The following KMT2A variants were observed in gnomAD, a reference collection of about 807,000 sequenced individuals.
The protein encoded by KMT2A is lysine methyltransferase 2A.
KMT2A carries 16 observed loss-of-function variants against 345.3 expected under a neutral mutation model. The ratio of observed to expected loss-of-function variants is 0.05; its 90% CI spans 0.03 to 0.07. The LOEUF is 0.07. KMT2A is among the 10% of genes least tolerant of loss of function. The pLI, the probability that KMT2A is intolerant of heterozygous loss-of-function variation, is 1.00. For missense variants in KMT2A, 3,272 were observed against 4,841.6 expected, an observed-to-expected ratio of 0.68 and a Z score of 9.62; for synonymous variants, 1,599 against 1,778.6, an observed-to-expected ratio of 0.90 and a Z score of 2.54.
At chr11:118,483,235 A>C (rs1305440148) in intron 8 of KMT2A, among the ~76,000 whole-genome samples, 250 of 149,042 alleles carry the variant, frequency 1.7e-3, no homozygotes, top group African/African-American at 5.8e-3. Flanking sequence ...TCCATCCCAA[A>C]AAAAAAAAAA....
intron 32 of KMT2A, 51 bp downstream of exon 32, chr11:118,519,843 T>G (rs782771955): frequency 6.3e-7 from 1 of 1,588,990 alleles, no homozygotes; most frequent in South Asian, 1.1e-5. Context: ...TTTTCTTATC[T>G]CATGACACTG....
chr11:118,496,204 G>A lies in KMT2A; in HGVS notation c.5558-57G>A, dbSNP rs1950406465. ...TCTTTTTTCCTTGAAATCAGACATA[G>A]TATTGCCAATTTTAACTGGATCTCA... is the stretch of plus-strand genomic sequence containing the variant. On this transcript the variant is annotated intron_variant, in intron 19 of 35. Coordinates refer to ENST00000534358, the MANE Select transcript of KMT2A (RefSeq NM_001197104.2). The surrounding 1 kb of genome is among the most constrained non-coding windows in gnomAD (Gnocchi z 4.7). 9 of 1,224,718 alleles carry A rather than the reference G, an allele frequency of 7.3e-6. No homozygotes were observed. The South Asian group carries it at 9.7e-5, about 13-fold the overall frequency. 75.9% of individuals were successfully genotyped at this position (1,224,718 alleles called of 1,614,324 possible).
rs1555043974 is a variant in KMT2A at position 118,496,402 on chromosome 11, C to A, written c.5664+35C>A. The stretch of plus-strand genomic sequence containing the variant: ...TTGCAACACAGGGCCCTAGTTAATA[C>A]ATACTCCAAAAGAACTGTTTGTCCT... On this transcript the variant is annotated intron_variant, in intron 20 of 35. Coordinates refer to ENST00000534358, the MANE Select transcript of KMT2A (RefSeq NM_001197104.2). This position sits in a 1 kb window ranked among gnomAD's most constrained non-coding sequence, Gnocchi z 4.7. 7.1e-7 allele frequency: 1 copy of A among 1,405,930 alleles called. No individual in the cohort carries two copies. Among genetic ancestry groups the A allele is most frequent in the Non-Finnish European group, 1.0e-6 (1 of 990,848 alleles). The allele number at this position is 1,405,930 out of a possible 1,614,324, so 87.1% of individuals were successfully genotyped here. A position where few individuals can be genotyped will look rare whatever the true frequency, so the allele number is the denominator to read the frequency against.
rs782145320 is a variant in KMT2A at position 118,472,869 on chromosome 11, A to C, written c.1710A>C (p.Pro570=). 11 of 1,613,784 alleles carry C rather than the reference A, an allele frequency of 6.8e-6. No individual in the cohort carries two copies. Among genetic ancestry groups the C allele is most frequent in the Non-Finnish European group, 9.3e-6 (11 of 1,179,932 alleles). ...SPPPPLLTPP[P]PLQPASSISD... The stretch of plus-strand genomic sequence containing the variant: ...CTCCACCTCTGCTGACTCCACCGCC[A>C]CCACTGCAGCCAGCCTCCAGTATCT... The change falls in exon 3 of 36, where the codon CCA becomes CCC. Residue 570 remains proline (P), a synonymous_variant. Transcript: ENST00000534358.
intron 3 of KMT2A, 150 bp downstream of exon 3, chr11:118,474,465 A>G: frequency 2.1e-6 from 2 of 971,706 alleles, no homozygotes; most frequent in Non-Finnish European, 3.0e-6. Context: ...TCCTTCAAGG[A>G]CCAGTAGGAT....
At position 118,436,746 on chromosome 11, in the gene KMT2A, GGCC is replaced by G. The variant is rs2134154019; in HGVS notation, c.241_243del (p.Ala81del). The G allele has an allele frequency of 5.1e-6, 8 of 1,583,892 alleles. No homozygotes were observed. Among genetic ancestry groups the G allele is most frequent in the Non-Finnish European group, 6.9e-6 (8 of 1,165,804 alleles). On this transcript the variant is annotated inframe_deletion, in exon 1 of 36. Coordinates refer to ENST00000534358, the MANE Select transcript of KMT2A (RefSeq NM_001197104.2). This position sits in a 1 kb window ranked among gnomAD's most constrained non-coding sequence, Gnocchi z 6.9. ...GCGGGGCTGGGGTTCCAGGGGGAGC[GGCC>G]GCCGCCTCAGCAGCCTCCTCGTCGT...
chr11:118,446,004 CAAAAAAAAGAAA>C (rs1323255854), intron 1 of KMT2A, among the ~76,000 whole-genome samples: 1 of 149,878 alleles, frequency 6.7e-6, no homozygotes, highest in African/African-American at 2.5e-5. Flanking sequence ...ACTCTGTCTC[CAAAAAAAAGAAA>C]GAAAAAAAGA....
At chr11:118,487,126 G>A (rs1555041093) in intron 10 of KMT2A, among the ~76,000 whole-genome samples, 1 of 152,168 alleles carries the variant, frequency 6.6e-6, no homozygotes. Flanking sequence ...ATATCATTGA[G>A]ACTGAGAATA....
intron 10 of KMT2A, among the ~76,000 whole-genome samples, chr11:118,487,146 C>A (rs956614705): frequency 6.6e-6 from 1 of 152,218 alleles, no homozygotes; most frequent in Non-Finnish European, 1.5e-5. Context: ...ATTCAGTCTA[C>A]AAGTGCCAGG....
intron 2 of KMT2A, 39 bp from the exon 3 acceptor site, chr11:118,471,623 C>T: frequency 4.2e-6 from 6 of 1,412,978 alleles, no homozygotes; most frequent in Non-Finnish European, 4.8e-6. Context: ...AACTACACAG[C>T]TAAATATATG....
rs1015615897 is a variant in KMT2A, at chr11:118,502,825, C to A, written c.6933C>A (p.Thr2311=). 1.9e-6 allele frequency: 3 copies of A among 1,614,012 alleles called. No individual in the cohort carries two copies. Among genetic ancestry groups the A allele is most frequent in the Non-Finnish European group, 2.5e-6 (3 of 1,180,026 alleles). Residue 2311 remains threonine, a synonymous_variant, in exon 27 of 36, where the codon ACC becomes ACA. Transcript: ENST00000534358. The surrounding 1 kb of genome is among the most constrained non-coding windows in gnomAD (Gnocchi z 4.9). ...GCTCCTCTTTAAAGGGAGAGAAGAC[C>A]AAAGTGCTGAGTTCCAAGAGCTCAG... ...SKSSSLKGEK[T]KVLSSKSSEG...
At position 118,519,094 on chromosome 11, in the gene KMT2A, A is replaced by AG. The variant is rs1208161013; in HGVS notation, c.11147-524_11147-523insG. Reference sequence around the variant, plus strand: ...CTCCATCTCAAAAAAAAAAAAAAAAAAAAAAGAAAATTAAACTTTAGTGAG... The same window carrying AG: ...CTCCATCTCAAAAAAAAAAAAAAAAAGAAAAAGAAAATTAAACTTTAGTGAG... On this transcript the variant is annotated intron_variant, in intron 31 of 35. Transcript: ENST00000534358. Among the ~76,000 whole-genome samples the AG allele has an allele frequency of 6.3e-4, 95 of 150,822 alleles. 3 individuals carry two copies. In the South Asian group the frequency reaches 0.017, roughly 26 times the overall value.
intron 31 of KMT2A, among the ~76,000 whole-genome samples, chr11:118,512,535 C>T (rs564507404): frequency 6.6e-6 from 1 of 152,140 alleles, no homozygotes; most frequent in South Asian, 2.1e-4. Flanking sequence ...CTTATCCATT[C>T]ATTAGTCAGT....
At chr11:118,485,075 T>G in intron 10 of KMT2A, 100 bp downstream of exon 10, 2 of 757,532 alleles carry the variant, frequency 2.6e-6, no homozygotes, top group Non-Finnish European at 4.5e-6. Context: ...GCAGGTACTA[T>G]TCCCTGTTTA....
chr11:118,506,535 T>G lies in KMT2A; in HGVS notation c.10643T>G (p.Leu3548Arg). The change falls in exon 27 of 36, where the codon CTG becomes CGG. Residue 3548 changes from leucine (L) to arginine (R), a missense_variant. Leu to Arg is a moderately radical substitution (Grantham distance 102). Transcript: ENST00000534358. ...AAACCAAAAACCAAACGGTTTCAGCTGCCTCTAGACAAAGGGAATGGCAAG... is the reference window on the plus strand; with the variant it reads ...AAACCAAAAACCAAACGGTTTCAGCGGCCTCTAGACAAAGGGAATGGCAAG... ...KPKPKTKRFQLPLDKGNGKKH... is the reference protein window; with the variant it reads ...KPKPKTKRFQRPLDKGNGKKH... 4.3e-6 allele frequency: 7 copies of G among 1,614,170 alleles called. No individual in the cohort carries two copies. In the South Asian group the frequency reaches 7.7e-5, roughly 18 times the overall value.
rs1950598017 is a variant in KMT2A, at chr11:118,507,101, A to G, written c.10755-428A>G. The stretch of plus-strand genomic sequence containing the variant: ...TGCTGGAGCTCAGGAGTTCAAGATC[A>G]GTCTGTGCAACATAGTAAGACCCTG... On this transcript the variant is annotated intron_variant, in intron 27 of 35. Coordinates refer to ENST00000534358, the MANE Select transcript of KMT2A (RefSeq NM_001197104.2). 2.0e-5 allele frequency among the ~76,000 whole-genome samples: 3 copies of G among 152,224 alleles called. No individual in the cohort carries two copies. In the South Asian group the frequency reaches 6.2e-4, roughly 31 times the overall value.
chr11:118,488,777 T>C lies in KMT2A; in HGVS notation c.4479+17T>C, dbSNP rs202184506. ...GCTACAAAGGTACAAAACTTGGTAA[T>C]AGAACTACAGCTGGGCCTCTGTATC... On this transcript the variant is annotated intron_variant, in intron 11 of 35. Coordinates refer to ENST00000534358, the MANE Select transcript of KMT2A (RefSeq NM_001197104.2). The C allele has an allele frequency of 1.0e-4, 168 of 1,613,112 alleles. 1 individual carries two copies. In the African/African-American group the frequency reaches 1.5e-3, roughly 15 times the overall value.
In KMT2A at chr11:118,484,050, A is replaced by T; in HGVS notation, c.4087-133A>T. The T allele has an allele frequency of 1.1e-6, 1 of 935,898 alleles. No individual in the cohort carries two copies. Among genetic ancestry groups the T allele is most frequent in the Non-Finnish European group, 1.6e-6 (1 of 635,326 alleles). 58.0% of individuals were successfully genotyped at this position (935,898 alleles called of 1,614,324 possible). A position where few individuals can be genotyped will look rare whatever the true frequency, so the allele number is the denominator to read the frequency against. On this transcript the variant is annotated intron_variant, in intron 8 of 35. Transcript: ENST00000534358. The surrounding 1 kb of genome is among the most constrained non-coding windows in gnomAD (Gnocchi z 4.1). ...CAGTCTCTTTTAAAAAAAAATTCAA[A>T]GATTATTTGTTTATGTTGGAAACAT...
chr11:118,484,102 G>C lies in KMT2A; in HGVS notation c.4087-81G>C. The C allele has an allele frequency of 1.5e-6, 2 of 1,309,008 alleles. No individual in the cohort carries two copies. The highest frequency in any genetic ancestry group is 2.1e-6 in the Non-Finnish European group (2 of 935,416). 81.1% of individuals were successfully genotyped at this position (1,309,008 alleles called of 1,614,324 possible). On this transcript the variant is annotated intron_variant, in intron 8 of 35. Transcript: ENST00000534358. This position sits in a 1 kb window ranked among gnomAD's most constrained non-coding sequence, Gnocchi z 4.1. ...TTTTTTAGATCTATTAATAAAATTTGTCATTTGCATTATTATCTGTTGCAA... is the reference window on the plus strand; with the variant it reads ...TTTTTTAGATCTATTAATAAAATTTCTCATTTGCATTATTATCTGTTGCAA...
Sources: gnomAD v4.1 joint callset for allele counts (sites outside exome capture counted in the v4.1 genomes callset) on GRCh38, gnomAD v4.1.1 for gene constraint, Gnocchi (gnomAD v3.1) non-coding constraint, MANE v1.5 for transcripts, NCBI Gene and HGNC (gene_info 2026-07-23, HGNC 2026-07-21) for gene names.